MPDZ: variants seen among roughly 807,000 people sequenced by gnomAD.
The protein encoded by MPDZ is multiple PDZ domain protein.
A neutral mutation model predicts 239.1 loss-of-function variants in MPDZ; 234 were observed. The observed-to-expected ratio is 0.98, with a 90% CI of 0.88 to 1.09. The LOEUF (loss-of-function observed/expected upper bound fraction) is 1.09, where lower values mean the gene tolerates loss of function less well. Among genes scored for constraint, MPDZ ranks in the 50% least tolerant of loss-of-function variants. The pLI, the probability that MPDZ is intolerant of heterozygous loss-of-function variation, is 0.00. For synonymous variants in MPDZ, 1,048 were observed against 881.3 expected (o/e 1.19, Z -3.35); for missense variants, 3,175 against 2,510.0 (o/e 1.26, Z -5.66).
At position 13,247,887 on chromosome 9, in the gene MPDZ, A is replaced by C. The variant is rs557734718; in HGVS notation, c.17-86T>G. The C allele has an allele frequency of 3.9e-5, 50 of 1,276,912 alleles. 1 individual carries two copies. The South Asian group carries it at 7.3e-4, about 19-fold the overall frequency. 79.1% of individuals were successfully genotyped at this position (1,276,912 alleles called of 1,614,324 possible). A position where few individuals can be genotyped will look rare whatever the true frequency, so the allele number is the denominator to read the frequency against. ...AGGACTCCATCTTGTAGAAATTCTA[A>C]AACTATTTCTATTGAGTGCATAAAA... On this transcript the variant is annotated intron_variant, in intron 2 of 46. Coordinates refer to ENST00000319217, the MANE Select transcript of MPDZ (RefSeq NM_001378778.1).
intron 10 of MPDZ, among the ~76,000 whole-genome samples, chr9:13,213,441 G>A (rs1564045657): frequency 6.6e-6 from 1 of 152,012 alleles, no homozygotes; most frequent in South Asian, 2.1e-4. Context: ...CCTAATAGCT[G>A]CTGTCAAAAC....
In MPDZ at chr9:13,126,465, C is replaced by A; in HGVS notation, c.4632+51G>T. The stretch of plus-strand genomic sequence containing the variant: ...TGATCGCAGACACAAACACTTTAAT[C>A]ATGCCCAAGGATGGGCCTACATTAC... On this transcript the variant is annotated intron_variant, in intron 34 of 46. Coordinates refer to ENST00000319217, the MANE Select transcript of MPDZ (RefSeq NM_001378778.1). 5.5e-6 allele frequency: 7 copies of A among 1,267,768 alleles called. No individual in the cohort carries two copies. In the South Asian group the frequency reaches 6.7e-5, roughly 12 times the overall value. 78.5% of individuals were successfully genotyped at this position (1,267,768 alleles called of 1,614,324 possible).
chr9:13,226,247 G>A (rs1233173013), intron 3 of MPDZ, among the ~76,000 whole-genome samples: 1 of 152,028 alleles, frequency 6.6e-6, no homozygotes, highest in Non-Finnish European at 1.5e-5. Context: ...TCCCACTTTG[G>A]GAAATGATTC....
intron 3 of MPDZ, among the ~76,000 whole-genome samples, chr9:13,240,260 T>G (rs1965066441): frequency 6.6e-6 from 1 of 151,966 alleles, no homozygotes; most frequent in Admixed American, 6.6e-5. Context: ...AATGGACACA[T>G]GAAGACTGAT....
rs1190547643 is a variant in MPDZ at position 13,112,023 on chromosome 9, C to T, written c.5724+1G>A. ...CTTCTAGGGTTGATAGTACGACTCA[C>T]TCTGAGTTTTTGGGTCTGTGCTGCA... On this transcript the variant is annotated splice_donor_variant, in intron 43 of 46. Transcript: ENST00000319217. LOFTEE classifies it high-confidence loss of function. 1 of 1,613,300 alleles carries T rather than the reference C, an allele frequency of 6.2e-7. No individual in the cohort carries two copies. The highest frequency in any genetic ancestry group is 1.3e-5 in the African/African-American group (1 of 75,008).
At position 13,106,202 on chromosome 9, in the gene MPDZ, T is replaced by C. The variant is rs1165922167; in HGVS notation, c.*763A>G. ...GCATAGTTGCTTTCTAGAAAAACCA[T>C]AGTCAACATGGGGTGGCATCATCAT... On this transcript the variant is annotated 3_prime_UTR_variant, in exon 47 of 47. Coordinates refer to ENST00000319217, the MANE Select transcript of MPDZ (RefSeq NM_001378778.1). 2 of 152,154 alleles carry C rather than the reference T, an allele frequency of 1.3e-5. No individual in the cohort carries two copies. Among genetic ancestry groups the C allele is most frequent in the South Asian group, 2.1e-4 (1 of 4,832 alleles). 9.4% of individuals were successfully genotyped at this position (152,154 alleles called of 1,614,324 possible).
intron 1 of MPDZ, among the ~76,000 whole-genome samples, chr9:13,257,496 T>C (rs1005065812): frequency 2.0e-5 from 3 of 152,158 alleles, no homozygotes; most frequent in Admixed American, 6.5e-5. Context: ...TGAAAATATA[T>C]TGTCAAATTT....
intron 10 of MPDZ, among the ~76,000 whole-genome samples, chr9:13,212,236 A>G (rs1025466114): frequency 3.3e-5 from 5 of 152,086 alleles, no homozygotes; most frequent in Non-Finnish European, 7.4e-5. Context: ...TGTATTCCTT[A>G]CTCAAATGAC....
intron 36 of MPDZ, among the ~76,000 whole-genome samples, chr9:13,122,592 C>A (rs1944521503): frequency 6.7e-6 from 1 of 150,320 alleles, no homozygotes; most frequent in African/African-American, 2.5e-5. Context: ...GCGATCTCAG[C>A]TCACTGCAAC....
chr9:13,175,373 T>A (rs1270475327), intron 21 of MPDZ, among the ~76,000 whole-genome samples: 1 of 152,194 alleles, frequency 6.6e-6, no homozygotes, highest in Non-Finnish European at 1.5e-5. Context: ...GACTTATACA[T>A]CACTGGTACA....
intron 3 of MPDZ, among the ~76,000 whole-genome samples, chr9:13,247,112 T>C (rs999055261): frequency 2.6e-5 from 4 of 152,206 alleles, no homozygotes. Flanking sequence ...ATGGAAGCAA[T>C]TGCTACTTAC....
chr9:13,168,524 G>C lies in MPDZ; in HGVS notation c.3096C>G (p.Ile1032Met), dbSNP rs758409546. Residue 1032 changes from isoleucine to methionine, a missense_variant, in exon 22 of 47, where the codon ATC (isoleucine) becomes ATG (methionine). Ile to Met is a conservative substitution (Grantham distance 10, BLOSUM62 1). Transcript: ENST00000319217. Reference protein sequence around the residue: ...VSANKDGLGMIVRSIIHGGAI... With the variant: ...VSANKDGLGMMVRSIIHGGAI... ...CACCTCCATGAATAATGCTTCGAACGATCATCCCCAAGCCATCTTTATTAG... is the reference window on the plus strand; with the variant it reads ...CACCTCCATGAATAATGCTTCGAACCATCATCCCCAAGCCATCTTTATTAG... 5 of 1,612,404 alleles carry C rather than the reference G, an allele frequency of 3.1e-6. No homozygotes were observed. The African/African-American group carries it at 5.3e-5, about 17-fold the overall frequency.
At chr9:13,252,779 C>T (rs1357007805) in intron 1 of MPDZ, among the ~76,000 whole-genome samples, 2 of 151,898 alleles carry the variant, frequency 1.3e-5, no homozygotes, top group Non-Finnish European at 2.9e-5. Context: ...AATAAAGATG[C>T]CCCAATATAA....
intron 14 of MPDZ, among the ~76,000 whole-genome samples, chr9:13,192,513 C>T (rs1158123623): frequency 6.6e-6 from 1 of 152,134 alleles, no homozygotes; most frequent in Middle Eastern, 3.4e-3. Flanking sequence ...AGAAAAACCA[C>T]TAGCTTTCAT....
rs760401175 is a variant in MPDZ at position 13,109,030 on chromosome 9, T to G, written c.5972A>C (p.Glu1991Ala). The change falls in exon 46 of 47, where the codon GAG (glutamate) becomes GCG (alanine). Residue 1991 changes from glutamate to alanine, a missense_variant. Transcript: ENST00000319217. ...GPPQCKSITL[E>A]RGPDGLGFSI... ...GAAGCCTAAGCCATCTGGTCCTCGC[T>G]CTAGTGTAATAGACTTACATTGAGG... The G allele has an allele frequency of 1.9e-6, 3 of 1,574,286 alleles. No individual in the cohort carries two copies. In the South Asian group the frequency reaches 3.5e-5, roughly 18 times the overall value.
chr9:13,230,935 G>C (rs897445159), intron 3 of MPDZ, among the ~76,000 whole-genome samples: 1 of 152,038 alleles, frequency 6.6e-6, no homozygotes, highest in Admixed American at 6.6e-5. Flanking sequence ...ATGTCAATGA[G>C]CTAAGCATCC....
At position 13,228,731 on chromosome 9, in the gene MPDZ, C is replaced by T. The variant is rs150103713; in HGVS notation, c.184-4148G>A. The stretch of plus-strand genomic sequence containing the variant: ...ATCATAAATATATTTTACAGTTTGA[C>T]CTAACATAACTAACAATTTCACCAA... On this transcript the variant is annotated intron_variant, in intron 3 of 46. Transcript: ENST00000319217. 4.8e-3 allele frequency among the ~76,000 whole-genome samples: 731 copies of T among 152,088 alleles called. 4 individuals carry two copies. Among genetic ancestry groups the T allele is most frequent in the African/African-American group, 0.016 (648 of 41,514 alleles).
chr9:13,248,226 TC>T (rs1966872624), intron 2 of MPDZ, among the ~76,000 whole-genome samples: 1 of 122,174 alleles, frequency 8.2e-6, no homozygotes, highest in Admixed American at 8.8e-5. Flanking sequence ...AGACTCCATC[TC>T]AAAAAAAAAA....
intron 10 of MPDZ, among the ~76,000 whole-genome samples, chr9:13,210,450 TG>T (rs1957488821): frequency 6.6e-6 from 1 of 150,932 alleles, no homozygotes; most frequent in Non-Finnish European, 1.5e-5. Context: ...GAGGAAAGAA[TG>T]CTATATACCC....
Sources: gnomAD v4.1 joint callset for allele counts (sites outside exome capture counted in the v4.1 genomes callset) on GRCh38, gnomAD v4.1.1 for gene constraint, MANE v1.5 for transcripts, NCBI Gene and HGNC (gene_info 2026-07-23, HGNC 2026-07-21) for gene names.